Variants in CHCHD3 observed in about 807,000 individuals in gnomAD.
CHCHD3 encodes coiled-coil-helix-coiled-coil-helix domain containing 3.
CHCHD3 carries 20 observed loss-of-function variants against 38.2 expected under a neutral mutation model. The observed-to-expected ratio is 0.52, with a 90% confidence interval of 0.37 to 0.76. CHCHD3 has a LOEUF of 0.76. Among genes scored for constraint, CHCHD3 ranks in the 30% least tolerant of loss-of-function variants. The pLI is 0.00. For synonymous variants in CHCHD3, 82 were observed against 100.0 expected, an observed-to-expected ratio of 0.82 and a Z score of 1.07; for missense variants, 245 against 279.2, an observed-to-expected ratio of 0.88 and a Z score of 0.87.
chr7:133,053,190 T>C (rs1196719069), intron 2 of CHCHD3, among the ~76,000 whole-genome samples: 3 of 152,180 alleles, frequency 2.0e-5, no homozygotes, highest in African/African-American at 4.8e-5. Flanking sequence ...ATCACAAATA[T>C]AGTAAGAGGC....
intron 5 of CHCHD3, among the ~76,000 whole-genome samples, chr7:132,848,345 T>A (rs1214981419): frequency 6.6e-6 from 1 of 152,230 alleles, no homozygotes; most frequent in Non-Finnish European, 1.5e-5. Context: ...TGATACATAA[T>A]CAGCTAGATG....
intron 4 of CHCHD3, among the ~76,000 whole-genome samples, chr7:132,893,300 T>C (rs7795771): frequency 0.021 from 3,186 of 152,290 alleles, 138 homozygotes; most frequent in African/African-American, 0.072. Context: ...ATTTCAGACT[T>C]GCGTGGGGCC....
intron 5 of CHCHD3, among the ~76,000 whole-genome samples, chr7:132,876,900 A>G (rs1308045069): frequency 1.3e-5 from 2 of 152,168 alleles, no homozygotes; most frequent in East Asian, 3.9e-4. Flanking sequence ...CTGACACATC[A>G]TAATAGTGAA....
chr7:133,027,581 A>C (rs2117448265), intron 2 of CHCHD3, among the ~76,000 whole-genome samples: 1 of 152,266 alleles, frequency 6.6e-6, no homozygotes, highest in East Asian at 1.9e-4. Context: ...GAAAGGTATT[A>C]ACCTCTCTGG....
At chr7:133,043,985 T>C (rs1175005621) in intron 2 of CHCHD3, among the ~76,000 whole-genome samples, 1 of 152,244 alleles carries the variant, frequency 6.6e-6, no homozygotes, top group Non-Finnish European at 1.5e-5. Flanking sequence ...ACATTTATGA[T>C]GCTCATTAAC....
chr7:132,957,207 T>C (rs76981097), intron 4 of CHCHD3, among the ~76,000 whole-genome samples: 4,810 of 152,252 alleles, frequency 0.032, 165 homozygotes, highest in African/African-American at 0.078. Flanking sequence ...TCTTTCTTCA[T>C]GAAGAAAAGG....
intron 4 of CHCHD3, among the ~76,000 whole-genome samples, chr7:132,966,871 A>G (rs1284745939): frequency 6.6e-6 from 1 of 152,218 alleles, no homozygotes; most frequent in African/African-American, 2.4e-5. Context: ...TGTATTTCTT[A>G]GCCTCTTTAG....
intron 6 of CHCHD3, among the ~76,000 whole-genome samples, chr7:132,837,837 C>T (rs186166248): frequency 1.3e-5 from 2 of 152,268 alleles, no homozygotes; most frequent in East Asian, 1.9e-4. Flanking sequence ...CTATGGGACA[C>T]GGACACTTTG....
chr7:133,056,146 CA>C (rs796648838), intron 2 of CHCHD3, among the ~76,000 whole-genome samples: 127 of 137,038 alleles, frequency 9.3e-4, no homozygotes, highest in Middle Eastern at 3.6e-3. Context: ...GACTATGCCT[CA>C]AAAAAAAAAA....
chr7:132,858,838 TC>T (rs1222072804), intron 5 of CHCHD3, among the ~76,000 whole-genome samples: 1 of 152,164 alleles, frequency 6.6e-6, no homozygotes, highest in African/African-American at 2.4e-5. Flanking sequence ...TTAAATCTGA[TC>T]CCAGGACATG....
intron 4 of CHCHD3, among the ~76,000 whole-genome samples, chr7:132,957,396 T>C (rs984165224): frequency 1.4e-4 from 21 of 152,242 alleles, no homozygotes; most frequent in Middle Eastern, 3.4e-3. Flanking sequence ...AACTGGGAAA[T>C]GGCTGCGCCA....
chr7:133,065,977 G>A (rs1483883609), intron 2 of CHCHD3, among the ~76,000 whole-genome samples: 1 of 152,116 alleles, frequency 6.6e-6, no homozygotes. Flanking sequence ...TCACATCATG[G>A]TGCAGATAGA....
rs141146140 is a variant in CHCHD3 at position 133,051,652 on chromosome 7, T to C, written c.169+18490A>G. Among the ~76,000 whole-genome samples, 836 of 152,310 alleles carry C rather than the reference T, an allele frequency of 5.5e-3. 9 individuals are homozygous for C. The highest frequency in any genetic ancestry group is 0.044 in the Middle Eastern group (13 of 294). On this transcript the variant is annotated intron_variant, in intron 2 of 7. Transcript: ENST00000262570. ...CTAGGCATACACACATATGTATATG[T>C]ATGAATGAACATTTAGAGATAAAAT... is the stretch of plus-strand genomic sequence containing the variant.
At chr7:132,827,252 G>T (rs1226044989) in intron 6 of CHCHD3, among the ~76,000 whole-genome samples, 1 of 152,118 alleles carries the variant, frequency 6.6e-6, no homozygotes, top group Non-Finnish European at 1.5e-5. Flanking sequence ...TATTTGAAAT[G>T]CTTGGGAATG....
At position 132,898,324 on chromosome 7, in the gene CHCHD3, G is replaced by C. The variant is rs902941990; in HGVS notation, c.370-12579C>G. Among the ~76,000 whole-genome samples the C allele has an allele frequency of 6.6e-5, 10 of 152,276 alleles. No homozygotes were observed. In the South Asian group the frequency reaches 8.3e-4, roughly 13 times the overall value. On this transcript the variant is annotated intron_variant, in intron 4 of 7. Transcript: ENST00000262570. ...TTGGTAGAGCCGAGTGGTCTGTTTT[G>C]ACAGGGCGCTGATTGGTGCGTTTAC...
chr7:133,032,431 G>A (rs1813529860), intron 2 of CHCHD3, among the ~76,000 whole-genome samples: 1 of 152,176 alleles, frequency 6.6e-6, no homozygotes, highest in Non-Finnish European at 1.5e-5. Context: ...GGAAGAGTTT[G>A]GCAACCTGAA....
At chr7:132,844,788 G>A (rs1808033317) in intron 5 of CHCHD3, among the ~76,000 whole-genome samples, 1 of 152,150 alleles carries the variant, frequency 6.6e-6, no homozygotes, top group South Asian at 2.1e-4. Context: ...CTCCTAGGAG[G>A]TAAACTATAT....
intron 4 of CHCHD3, among the ~76,000 whole-genome samples, chr7:132,947,094 G>A (rs867954619): frequency 4.6e-5 from 7 of 151,764 alleles, no homozygotes; most frequent in Middle Eastern, 3.4e-3. Flanking sequence ...TGCTTTTTAC[G>A]GAAAATAAAT....
rs573018441 is a variant in CHCHD3 at position 132,787,801 on chromosome 7, CA to C, written c.661-2142del. On this transcript the variant is annotated intron_variant, in intron 7 of 7. Transcript: ENST00000262570. ...GTCTATGTCATAGGGCACAAAAGAA[CA>C]GATATAAAGGCAGACAAACTTAGAC... is the stretch of plus-strand genomic sequence containing the variant. Among the ~76,000 whole-genome samples the C allele has an allele frequency of 1.0e-3, 153 of 152,116 alleles. No individual in the cohort carries two copies. In the Middle Eastern group the frequency reaches 0.037, roughly 37 times the overall value.
Sources: gnomAD v4.1 joint callset for allele counts (sites outside exome capture counted in the v4.1 genomes callset) on GRCh38, gnomAD v4.1.1 for gene constraint, MANE v1.5 for transcripts, NCBI Gene and HGNC (gene_info 2026-07-23, HGNC 2026-07-21) for gene names.